The following STRA8 variants were observed in gnomAD, a reference collection of about 807,000 sequenced individuals.
STRA8 encodes stimulated by retinoic acid 8.
A neutral mutation model predicts 37.1 loss-of-function variants in STRA8; 18 were observed. The observed-to-expected ratio is 0.48, with a 90% CI of 0.34 to 0.72. STRA8 has a LOEUF of 0.72. Among genes scored for constraint, STRA8 ranks in the 30% least tolerant of loss-of-function variants. The pLI, the probability that STRA8 is intolerant of heterozygous loss-of-function variation, is 0.01. For synonymous variants in STRA8, 168 were observed against 162.9 expected (o/e 1.03, Z -0.24); for missense variants, 357 against 410.4 (o/e 0.87, Z 1.13).
chr7:135,250,878 A>C (rs1382572429), intron 6 of STRA8, among the ~76,000 whole-genome samples: 1 of 152,246 alleles, frequency 6.6e-6, no homozygotes, highest in Non-Finnish European at 1.5e-5. Flanking sequence ...GTAAGTGTAA[A>C]TCATGTTTCT....
At chr7:135,240,467 A>C in intron 1 of STRA8, 52 bp from the exon 2 acceptor site, 2 of 1,564,782 alleles carry the variant, frequency 1.3e-6, no homozygotes, top group South Asian at 2.3e-5. Flanking sequence ...TTCCTTTAAT[A>C]TTGTATTTTT....
intron 1 of STRA8, among the ~76,000 whole-genome samples, chr7:135,239,967 A>C (rs1029951764): frequency 6.6e-6 from 1 of 151,972 alleles, no homozygotes; most frequent in African/African-American, 2.4e-5. Context: ...TTTCATATGC[A>C]TACACCTGTG....
At chr7:135,236,377 C>A (rs1392793930) in intron 1 of STRA8, among the ~76,000 whole-genome samples, 3 of 151,746 alleles carry the variant, frequency 2.0e-5, no homozygotes, top group Non-Finnish European at 4.4e-5. Flanking sequence ...TGGTTATGAC[C>A]CAGGTATCAA....
chr7:135,241,137 A>G (rs2117793935), intron 2 of STRA8, among the ~76,000 whole-genome samples: 1 of 152,298 alleles, frequency 6.6e-6, no homozygotes, highest in East Asian at 1.9e-4. Flanking sequence ...GGACACAAAC[A>G]TTCAGACCAC....
chr7:135,255,059 G>T (rs950293533), intron 7 of STRA8, 55 bp from the exon 8 acceptor site: 20 of 1,406,610 alleles, frequency 1.4e-5, no homozygotes, highest in African/African-American at 2.8e-5. Flanking sequence ...GGGAAGCAGA[G>T]TTGAAAGATC....
intron 3 of STRA8, 96 bp downstream of exon 3, chr7:135,242,952 C>A: frequency 1.5e-6 from 2 of 1,333,056 alleles, no homozygotes; most frequent in South Asian, 1.2e-5. Context: ...AATGAATCAA[C>A]AAATATTTAT....
In STRA8 at chr7:135,255,991, C is replaced by T. The variant is rs71532837; in HGVS notation, c.1065+766C>T. On this transcript the variant is annotated intron_variant, in intron 8 of 8. Coordinates refer to ENST00000662584, the MANE Select transcript of STRA8 (RefSeq NM_001394401.1). ...TTTGAAGGATATTAATGTCTGCTTC[C>T]AAATTGTTCCACTTACAGTGATATG... is the stretch of plus-strand genomic sequence containing the variant. Among the ~76,000 whole-genome samples, 365 of 152,300 alleles carry T rather than the reference C, an allele frequency of 2.4e-3. 1 individual carries two copies. Among genetic ancestry groups the T allele is most frequent in the Non-Finnish European group, 3.8e-3 (257 of 68,034 alleles).
At chr7:135,241,865 C>T (rs1832469198) in intron 2 of STRA8, among the ~76,000 whole-genome samples, 1 of 152,072 alleles carries the variant, frequency 6.6e-6, no homozygotes, top group African/African-American at 2.4e-5. Context: ...TGTACATGCC[C>T]AAGGGATGCA....
At chr7:135,232,018 C>G, upstream of STRA8, 1 of 1,607,554 alleles carries the variant, frequency 6.2e-7, no homozygotes, top group Non-Finnish European at 8.5e-7. Context: ...CTTTTTCAAT[C>G]AAGAAATCAG....
intron 1 of STRA8, among the ~76,000 whole-genome samples, chr7:135,238,615 C>G (rs1040742974): frequency 6.6e-6 from 1 of 152,202 alleles, no homozygotes; most frequent in Non-Finnish European, 1.5e-5. Flanking sequence ...AACAGTGCTT[C>G]CCACCCGCTT....
intron 4 of STRA8, among the ~76,000 whole-genome samples, chr7:135,243,897 A>G (rs1346784883): frequency 6.6e-6 from 1 of 152,278 alleles, no homozygotes; most frequent in Non-Finnish European, 1.5e-5. Context: ...TCCTAAGAAA[A>G]GCTAAATTAA....
At chr7:135,249,496 A>T (rs1334184876) in intron 6 of STRA8, among the ~76,000 whole-genome samples, 1 of 152,228 alleles carries the variant, frequency 6.6e-6, no homozygotes. Context: ...AGGCAGGATA[A>T]TCGCTTGAAC....
At position 135,242,879 on chromosome 7, in the gene STRA8, C is replaced by A. The variant is rs975567072; in HGVS notation, c.268+23C>A. The A allele has an allele frequency of 8.7e-6, 14 of 1,609,960 alleles. No homozygotes were observed. The Middle Eastern group carries it at 6.6e-4, about 76-fold the overall frequency. On this transcript the variant is annotated intron_variant, in intron 3 of 8. Coordinates refer to ENST00000662584, the MANE Select transcript of STRA8 (RefSeq NM_001394401.1). The stretch of plus-strand genomic sequence containing the variant: ...AAGGTAATGGAGCACTACTTGCCAA[C>A]CCCATCTCCCTCCCTGGAGAAAACT...
intron 7 of STRA8, 114 bp downstream of exon 7, chr7:135,251,983 C>CAGAGAG: frequency 3.3e-6 from 3 of 905,964 alleles, no homozygotes; most frequent in African/African-American, 1.8e-5. Context: ...AAGTCAGAGA[C>CAGAGAG]AGAGAGAGGA....
At position 135,245,337 on chromosome 7, in the gene STRA8, A is replaced by T; in HGVS notation, c.403A>T (p.Thr135Ser). The T allele has an allele frequency of 1.3e-6, 1 of 780,956 alleles. No individual in the cohort carries two copies. The highest frequency in any genetic ancestry group is 2.4e-6 in the Non-Finnish European group (1 of 418,088). The allele number at this position is 780,956 out of a possible 1,614,324, so 48.4% of individuals were successfully genotyped here. Residue 135 changes from threonine to serine, a missense_variant, in exon 5 of 9, where the codon ACT (threonine) becomes TCT (serine). By Grantham distance (58) the Thr-to-Ser change is moderately conservative (BLOSUM62 1). Transcript: ENST00000662584. ...PQNGSSPWCP[T>S]EAVRKDAEEE... The stretch of plus-strand genomic sequence containing the variant: ...GAATGGTTCCTCCCCTTGGTGCCCA[A>T]CTGAGGCAGTCAGGAAGGATGCTGA...
chr7:135,234,884 T>C (rs572159661), intron 1 of STRA8, among the ~76,000 whole-genome samples: 99 of 152,338 alleles, frequency 6.5e-4, no homozygotes, highest in Middle Eastern at 3.4e-3. Flanking sequence ...CTTTGTTCAC[T>C]TGTTTGCTTT....
chr7:135,232,330 G>A (rs752424682), upstream of STRA8, among the ~76,000 whole-genome samples: 6 of 151,972 alleles, frequency 3.9e-5, no homozygotes, highest in Non-Finnish European at 7.4e-5. Context: ...GTCAGGGAGT[G>A]GGGGTGGAGT....
upstream of STRA8, chr7:135,231,957 C>T (rs1436954928): frequency 6.2e-7 from 1 of 1,613,568 alleles, no homozygotes; most frequent in African/African-American, 1.3e-5. Flanking sequence ...GTGTTCATGG[C>T]AGAGCCTTCT....
At chr7:135,250,836 C>T (rs1300743176) in intron 6 of STRA8, among the ~76,000 whole-genome samples, 1 of 152,142 alleles carries the variant, frequency 6.6e-6, no homozygotes, top group Non-Finnish European at 1.5e-5. Flanking sequence ...ACTAGGCATC[C>T]CGTATTTGTA....
Sources: allele counts gnomAD v4.1 joint callset (sites outside exome capture counted in the v4.1 genomes callset), GRCh38; gene constraint gnomAD v4.1.1; transcripts MANE v1.5; gene names NCBI Gene and HGNC (gene_info 2026-07-23, HGNC 2026-07-21).